The following CUX1 variants were observed in gnomAD, a reference collection of about 807,000 sequenced individuals.
The protein encoded by CUX1 is protein CASP.
CUX1 carries 31 observed loss-of-function variants against 158.8 expected under a neutral mutation model. The observed-to-expected ratio is 0.20, with a 90% confidence interval of 0.15 to 0.26. CUX1 has a LOEUF of 0.26. Among genes scored for constraint, CUX1 ranks in the 10% least tolerant of loss-of-function variants. The pLI, the probability that CUX1 is intolerant of heterozygous loss-of-function variation, is 1.00. For missense variants in CUX1, 1,589 were observed against 2,014.6 expected, an observed-to-expected ratio of 0.79 and a Z score of 4.04; for synonymous variants, 879 against 862.1, an observed-to-expected ratio of 1.02 and a Z score of -0.34.
intron 8 of CUX1, among the ~76,000 whole-genome samples, chr7:102,151,509 A>G (rs782036194): frequency 4.6e-5 from 7 of 151,946 alleles, no homozygotes; most frequent in Non-Finnish European, 1.0e-4. Flanking sequence ...AGCTGAGATC[A>G]TGCCATTACA....
chr7:102,142,377 C>T (rs1257400730), intron 8 of CUX1, among the ~76,000 whole-genome samples: 2 of 152,026 alleles, frequency 1.3e-5, no homozygotes, highest in East Asian at 1.9e-4. Flanking sequence ...GGTTTGCTGG[C>T]GAAGTTTCAC....
At position 102,169,966 on chromosome 7, in the gene CUX1, G is replaced by C. The variant is rs1237516232; in HGVS notation, c.724-480G>C. 2.0e-5 allele frequency among the ~76,000 whole-genome samples: 3 copies of C among 152,138 alleles called. No individual in the cohort carries two copies. The East Asian group carries it at 5.8e-4, about 29-fold the overall frequency. ...AAGCAGTGGCATTTACATCCTGTAC[G>C]TTTATGGAAATCCTTGCTGAAGAAA... On this transcript the variant is annotated intron_variant, in intron 9 of 23. Coordinates refer to ENST00000292535, the MANE Select transcript of CUX1 (RefSeq NM_181552.4).
chr7:102,140,949 C>G (rs1484835233), intron 8 of CUX1, among the ~76,000 whole-genome samples: 1 of 151,570 alleles, frequency 6.6e-6, no homozygotes, highest in Non-Finnish European at 1.5e-5. Context: ...ATTAACCTTT[C>G]TATTTTTTTC....
chr7:101,957,063 A>T (rs1267752366), intron 2 of CUX1, among the ~76,000 whole-genome samples: 1 of 152,238 alleles, frequency 6.6e-6, no homozygotes, highest in Admixed American at 6.5e-5. Context: ...ATATAGAGGA[A>T]CGGCTAAATG....
Position 102,253,687 on chromosome 7 carries a change from A to G in CUX1, c.*4645A>G, listed in dbSNP as rs1801766628. ...TGAGGGGCGACAGCCTTTGCCTTAA[A>G]TGCAGTATGACAGGCGCTTCTTGGC... On this transcript the variant is annotated 3_prime_UTR_variant, in exon 24 of 24. Coordinates refer to ENST00000292535, the MANE Select transcript of CUX1 (RefSeq NM_181552.4). The G allele has an allele frequency of 4.1e-6, 4 of 985,402 alleles. No homozygotes were observed. Among genetic ancestry groups the G allele is most frequent in the Non-Finnish European group, 4.8e-6 (4 of 829,970 alleles). 61.0% of individuals were successfully genotyped at this position (985,402 alleles called of 1,614,324 possible).
downstream of CUX1, among the ~76,000 whole-genome samples, chr7:102,262,678 G>T (rs1034675557): frequency 6.6e-6 from 1 of 152,162 alleles, no homozygotes; most frequent in Non-Finnish European, 1.5e-5. Flanking sequence ...GGACTGAGCC[G>T]TGGTAGATGC....
At chr7:101,860,674 T>TTCCTG in intron 1 of CUX1, among the ~76,000 whole-genome samples, 1 of 152,120 alleles carries the variant, frequency 6.6e-6, no homozygotes, top group South Asian at 2.1e-4. Context: ...TTTCCTCCCT[T>TTCCTG]TCCTGTCCTG....
In CUX1 at chr7:102,104,355, T is replaced by G. The variant is rs782379153; in HGVS notation, c.426T>G (p.Leu142=). The part of the protein sequence containing the change: ...VKNQEVTIKA[L]KEKIREYEQT... The stretch of plus-strand genomic sequence containing the variant: ...CTGCAGAGGTTACGATAAAAGCACT[T>G]AAAGAGAAAATCCGAGAATATGAAC... The change falls in exon 6 of 24, where the codon CTT becomes CTG. Residue 142 remains leucine, a synonymous_variant. Transcript: ENST00000292535. 3.1e-6 allele frequency: 5 copies of G among 1,609,184 alleles called. No homozygotes were observed. Among genetic ancestry groups the G allele is most frequent in the Non-Finnish European group, 3.4e-6 (4 of 1,179,382 alleles).
chr7:102,014,267 G>T (rs1218325364), intron 2 of CUX1, among the ~76,000 whole-genome samples: 2 of 151,996 alleles, frequency 1.3e-5, no homozygotes, highest in Admixed American at 6.6e-5. Flanking sequence ...AGACATAAGG[G>T]GTACTCGGTA....
intron 3 of CUX1, among the ~76,000 whole-genome samples, chr7:102,063,249 G>A (rs971106973): frequency 1.3e-5 from 2 of 152,138 alleles, no homozygotes; most frequent in South Asian, 2.1e-4. Flanking sequence ...GCTGGAGAGC[G>A]CTGTTGGGTG....
At chr7:101,843,647 C>T (rs1025867424) in intron 1 of CUX1, among the ~76,000 whole-genome samples, 1 of 151,822 alleles carries the variant, frequency 6.6e-6, no homozygotes, top group African/African-American at 2.4e-5. Flanking sequence ...AGTAGGGATT[C>T]CTGTCAGTTT....
chr7:102,194,658 C>T (rs994122886), intron 13 of CUX1, among the ~76,000 whole-genome samples: 4 of 151,648 alleles, frequency 2.6e-5, no homozygotes, highest in Non-Finnish European at 5.9e-5. Context: ...ACTTTAGTTA[C>T]ATGCTGCCTC....
chr7:101,992,162 G>A (rs1815219921), intron 2 of CUX1, among the ~76,000 whole-genome samples: 1 of 152,166 alleles, frequency 6.6e-6, no homozygotes. Context: ...AAGAGGCTTG[G>A]AGGGGGGTGC....
chr7:101,956,665 G>T (rs188949205), intron 2 of CUX1, among the ~76,000 whole-genome samples: 3 of 152,308 alleles, frequency 2.0e-5, no homozygotes, highest in East Asian at 3.9e-4. Context: ...AGTTAAAGCC[G>T]CCTGGGCACA....
rs1586433799 is a variant in CUX1, at chr7:102,248,566, G to A, written c.4042G>A (p.Gly1348Ser). ...CGGCGTGGAGGCCACTGAGGGCCCA[G>A]GCAGCGCCGACACCGAGGAGCCCAA... ...CDGVEATEGP[G>S]SADTEEPKSQ... Residue 1348 changes from glycine to serine, a missense_variant, in exon 24 of 24, where the codon GGC becomes AGC. By Grantham distance (56) the Gly-to-Ser change is moderately conservative (BLOSUM62 0). Transcript: ENST00000292535. The surrounding 1 kb of genome is among the most constrained non-coding windows in gnomAD (Gnocchi z 5.8). The A allele has an allele frequency of 6.7e-7, 1 of 1,492,002 alleles. No individual in the cohort carries two copies. Among genetic ancestry groups the A allele is most frequent in the East Asian group, 2.7e-5 (1 of 36,410 alleles). The allele number at this position is 1,492,002 out of a possible 1,614,324, so 92.4% of individuals were successfully genotyped here. A position where few individuals can be genotyped will look rare whatever the true frequency, so the allele number is the denominator to read the frequency against.
At position 102,200,153 on chromosome 7, in the gene CUX1, G is replaced by C. The variant is rs1795263543; in HGVS notation, c.2043G>C (p.Glu681Asp). Reference protein sequence around the residue: ...IKSILEQAKRELQVQKTAEPA... With the variant: ...IKSILEQAKRDLQVQKTAEPA... Reference sequence around the variant, plus strand: ...CCATCCTAGAGCAAGCCAAGAGGGAGCTCCAAGTGCAGAAAACTGGTACAG... The same window carrying C: ...CCATCCTAGAGCAAGCCAAGAGGGACCTCCAAGTGCAGAAAACTGGTACAG... The change falls in exon 17 of 24, where the codon GAG becomes GAC. Residue 681 changes from glutamate to aspartate, a missense_variant. Physicochemically the swap from Glu to Asp is conservative, Grantham distance 45 (BLOSUM62 2). Coordinates refer to ENST00000292535, the MANE Select transcript of CUX1 (RefSeq NM_181552.4). The C allele has an allele frequency of 3.1e-6, 5 of 1,609,810 alleles. No homozygotes were observed. Among genetic ancestry groups the C allele is most frequent in the Non-Finnish European group, 4.2e-6 (5 of 1,178,630 alleles).
At chr7:102,129,222 C>G (rs981792993) in intron 8 of CUX1, among the ~76,000 whole-genome samples, 2 of 152,226 alleles carry the variant, frequency 1.3e-5, no homozygotes, top group Non-Finnish European at 2.9e-5. Flanking sequence ...CGTGCCACAG[C>G]TGGGGCACCC....
chr7:101,971,559 C>T (rs1009834841), intron 2 of CUX1, among the ~76,000 whole-genome samples: 4 of 152,142 alleles, frequency 2.6e-5, no homozygotes, highest in African/African-American at 9.7e-5. Context: ...CCAAAGTTCC[C>T]CAGGCCCTGT....
intron 2 of CUX1, among the ~76,000 whole-genome samples, chr7:102,017,243 A>G (rs1818716324): frequency 6.7e-6 from 1 of 150,292 alleles, no homozygotes; most frequent in African/African-American, 2.5e-5. Flanking sequence ...GTGAGCCAAG[A>G]TCGCACCACT....
Sources: allele counts gnomAD v4.1 joint callset (sites outside exome capture counted in the v4.1 genomes callset), GRCh38; gene constraint gnomAD v4.1.1; non-coding constraint Gnocchi (gnomAD v3.1); transcripts MANE v1.5; gene names NCBI Gene and HGNC (gene_info 2026-07-23, HGNC 2026-07-21).